GNAZ: variants seen among roughly 807,000 people sequenced by gnomAD.
GNAZ encodes the protein guanine nucleotide-binding protein G(z) subunit alpha.
In GNAZ, 3 loss-of-function variants were observed where a neutral mutation model predicts 25.4. That is an observed-to-expected ratio of 0.12 (90% CI 0.05 to 0.30). The LOEUF is 0.30. Ranked by LOEUF, GNAZ falls within the 10% of genes least tolerant of loss-of-function variation. GNAZ has a pLI of 1.00. For synonymous variants in GNAZ, 211 were observed against 205.7 expected, an observed-to-expected ratio of 1.03 and a Z score of -0.22; for missense variants, 241 against 501.8, an observed-to-expected ratio of 0.48 and a Z score of 4.97.
chr22:23,103,322 A>C (rs1463494323), intron 2 of GNAZ, among the ~76,000 whole-genome samples: 1 of 152,114 alleles, frequency 6.6e-6, no homozygotes, highest in Non-Finnish European at 1.5e-5. Context: ...TTAGACCTTT[A>C]CCAGTGCACC....
intron 1 of GNAZ, among the ~76,000 whole-genome samples, chr22:23,082,135 C>CAA (rs77916701): frequency 5.8e-5 from 8 of 137,544 alleles, no homozygotes; most frequent in Non-Finnish European, 9.6e-5. Context: ...AAAAAAAAAA[C>CAA]AAAAAAAAAA....
rs899504573 is a variant in GNAZ, at chr22:23,123,488, A to G, written c.*57A>G. On this transcript the variant is annotated 3_prime_UTR_variant, in exon 3 of 3. Coordinates refer to ENST00000615612, the MANE Select transcript of GNAZ (RefSeq NM_002073.4). ...TGAAACCCACGGGGTGTCATGCCCC[A>G]ACGCGTGCTAGAGAGGCCCAATCCA... 4 of 1,180,296 alleles carry G rather than the reference A, an allele frequency of 3.4e-6. No homozygotes were observed. The African/African-American group carries it at 4.5e-5, about 13-fold the overall frequency. The allele number at this position is 1,180,296 out of a possible 1,614,324, so 73.1% of individuals were successfully genotyped here.
intron 2 of GNAZ, among the ~76,000 whole-genome samples, chr22:23,104,379 C>T (rs1162653615): frequency 1.3e-5 from 2 of 152,118 alleles, no homozygotes; most frequent in South Asian, 2.1e-4. Flanking sequence ...TGCTCTGCCT[C>T]GTGATCAGGC....
chr22:23,071,117 G>T lies in GNAZ; in HGVS notation c.-450+547G>T, dbSNP rs568756160. Among the ~76,000 whole-genome samples the T allele has an allele frequency of 2.4e-4, 37 of 152,338 alleles. No homozygotes were observed. Among genetic ancestry groups the T allele is most frequent in the South Asian group, 1.4e-3 (7 of 4,830 alleles). ...CGGTCACTGCTCTTGCAGCGAGCAGGTTCCTCACAGGCATTTAGAGGAAGA... is the reference window on the plus strand; with the variant it reads ...CGGTCACTGCTCTTGCAGCGAGCAGTTTCCTCACAGGCATTTAGAGGAAGA... On this transcript the variant is annotated intron_variant, in intron 1 of 2. Transcript: ENST00000615612. The surrounding 1 kb of genome is among the most constrained non-coding windows in gnomAD (Gnocchi z 4.1).
Position 23,096,126 on chromosome 22 carries a change from C to T in GNAZ, c.431C>T (p.Ser144Phe), listed in dbSNP as rs1299646054. Reference protein sequence around the residue: ...DPGAQACFSRSSEYHLEDNAA... With the variant: ...DPGAQACFSRFSEYHLEDNAA... Reference sequence around the variant, plus strand: ...GGGGCACAGGCCTGCTTCAGCCGCTCCAGCGAGTACCACCTGGAGGACAAC... The same window carrying T: ...GGGGCACAGGCCTGCTTCAGCCGCTTCAGCGAGTACCACCTGGAGGACAAC... Residue 144 changes from serine (S) to phenylalanine (F), a missense_variant, in exon 2 of 3, where the codon TCC (serine) becomes TTC (phenylalanine). Physicochemically the swap from Ser to Phe is radical, Grantham distance 155. Coordinates refer to ENST00000615612, the MANE Select transcript of GNAZ (RefSeq NM_002073.4). 1 of 1,612,112 alleles carries T rather than the reference C, an allele frequency of 6.2e-7. No individual in the cohort carries two copies. The highest frequency in any genetic ancestry group is 8.5e-7 in the Non-Finnish European group (1 of 1,180,000).
At chr22:23,081,056 A>G (rs185054183) in intron 1 of GNAZ, among the ~76,000 whole-genome samples, 88 of 152,304 alleles carry the variant, frequency 5.8e-4, no homozygotes, top group African/African-American at 1.9e-3. Flanking sequence ...ATACTGTGTA[A>G]ACTGGTGGGC....
At chr22:23,112,914 G>C (rs1468287699) in intron 2 of GNAZ, among the ~76,000 whole-genome samples, 1 of 152,234 alleles carries the variant, frequency 6.6e-6, no homozygotes, top group Non-Finnish European at 1.5e-5. Context: ...ACCCCATGCT[G>C]TGCTGTGCCA....
chr22:23,081,295 C>A (rs764886550), intron 1 of GNAZ, among the ~76,000 whole-genome samples: 85 of 152,204 alleles, frequency 5.6e-4, no homozygotes, highest in Non-Finnish European at 1.0e-3. Context: ...GTGGCATAAC[C>A]CCAGAACCGG....
intron 2 of GNAZ, among the ~76,000 whole-genome samples, chr22:23,114,523 G>A (rs982168812): frequency 3.3e-5 from 5 of 151,640 alleles, no homozygotes; most frequent in South Asian, 2.1e-4. Context: ...ATTACCCCTC[G>A]CCCCCTGCAT....
chr22:23,075,809 G>A (rs575651502), intron 1 of GNAZ, among the ~76,000 whole-genome samples: 64 of 152,344 alleles, frequency 4.2e-4, no homozygotes, highest in Non-Finnish European at 7.3e-4. Flanking sequence ...CTTGGCCCCT[G>A]GGATGGAGAG....
chr22:23,111,450 T>A (rs528541914), intron 2 of GNAZ, among the ~76,000 whole-genome samples: 51 of 152,208 alleles, frequency 3.4e-4, no homozygotes, highest in Non-Finnish European at 6.0e-4. Context: ...TGTGATGTGT[T>A]GGGGCCTCTG....
intron 2 of GNAZ, among the ~76,000 whole-genome samples, chr22:23,107,989 C>G (rs910872291): frequency 3.3e-4 from 50 of 152,304 alleles, no homozygotes; most frequent in Non-Finnish European, 6.2e-4. Context: ...CCTATAGGTG[C>G]CCATCACCCA....
chr22:23,124,227 TTTG>T lies in GNAZ; in HGVS notation c.*797_*799del. 6.1e-6 allele frequency: 1 copy of T among 164,052 alleles called. No individual in the cohort carries two copies. The highest frequency in any genetic ancestry group is 1.5e-4 in the South Asian group (1 of 6,514). The allele number at this position is 164,052 out of a possible 1,614,324, so 10.2% of individuals were successfully genotyped here. A position where few individuals can be genotyped will look rare whatever the true frequency, so the allele number is the denominator to read the frequency against. On this transcript the variant is annotated 3_prime_UTR_variant, in exon 3 of 3. Transcript: ENST00000615612. ...TTTTGTTTTTTGGTTTTTTTTTTTT[TTTG>T]GCCAAATCTCGTGGTGTTTCGCAGA...
intron 2 of GNAZ, among the ~76,000 whole-genome samples, chr22:23,110,329 G>A (rs1265401812): frequency 6.6e-6 from 1 of 152,168 alleles, no homozygotes; most frequent in African/African-American, 2.4e-5. Flanking sequence ...AGGGCATCAC[G>A]GCAGCCCCCA....
intron 2 of GNAZ, among the ~76,000 whole-genome samples, chr22:23,111,757 C>T (rs1191159717): frequency 2.6e-5 from 4 of 152,212 alleles, no homozygotes; most frequent in African/African-American, 7.2e-5. Flanking sequence ...CCAGCAGGGT[C>T]GTGGGCAAGC....
chr22:23,097,584 G>T (rs2069164359), intron 2 of GNAZ, among the ~76,000 whole-genome samples: 1 of 152,262 alleles, frequency 6.6e-6, no homozygotes, highest in African/African-American at 2.4e-5. Context: ...GGGCAGGCAG[G>T]TGTGTACGCA....
In GNAZ at chr22:23,122,620, T is replaced by C. The variant is rs139967532; in HGVS notation, c.724-467T>C. ...TTGAAGGACTGGGCCAGAACCCAGATAGGGCACAAGGCTGCCAGCGCCTGC... is the reference window on the plus strand; with the variant it reads ...TTGAAGGACTGGGCCAGAACCCAGACAGGGCACAAGGCTGCCAGCGCCTGC... On this transcript the variant is annotated intron_variant, in intron 2 of 2. Coordinates refer to ENST00000615612, the MANE Select transcript of GNAZ (RefSeq NM_002073.4). The C allele has an allele frequency of 4.5e-3, 758 of 167,886 alleles. 5 individuals carry two copies. The highest frequency in any genetic ancestry group is 0.016 in the African/African-American group (684 of 42,026). The allele number at this position is 167,886 out of a possible 1,614,324, so 10.4% of individuals were successfully genotyped here.
chr22:23,076,182 T>C (rs1364718417), intron 1 of GNAZ, among the ~76,000 whole-genome samples: 2 of 152,188 alleles, frequency 1.3e-5, no homozygotes, highest in Non-Finnish European at 2.9e-5. Context: ...TTCCTGACCA[T>C]GTTTCCTATG....
intron 1 of GNAZ, among the ~76,000 whole-genome samples, chr22:23,086,248 G>A (rs920964182): frequency 2.6e-5 from 4 of 152,202 alleles, no homozygotes; most frequent in Admixed American, 6.5e-5. Flanking sequence ...GGGCCCAGTT[G>A]GAGGGCTTGG....
Sources: allele counts gnomAD v4.1 joint callset (sites outside exome capture counted in the v4.1 genomes callset), GRCh38; gene constraint gnomAD v4.1.1; non-coding constraint Gnocchi (gnomAD v3.1); transcripts MANE v1.5; gene names NCBI Gene and HGNC (gene_info 2026-07-23, HGNC 2026-07-21).